The following GRM3 variants were observed in gnomAD, a reference collection of about 807,000 sequenced individuals.
The protein encoded by GRM3 is metabotropic glutamate receptor 3.
GRM3 carries 26 observed loss-of-function variants against 70.5 expected under a neutral mutation model. The observed-to-expected ratio is 0.37, with a 90% CI of 0.27 to 0.51. The LOEUF (loss-of-function observed/expected upper bound fraction) is 0.51, where lower values mean the gene tolerates loss of function less well. Ranked by LOEUF, GRM3 falls within the 20% of genes least tolerant of loss-of-function variation. The pLI is 0.93. For missense variants in GRM3, 859 were observed against 1,123.8 expected (o/e 0.76, Z 3.37); for synonymous variants, 443 against 434.9 (o/e 1.02, Z -0.23).
intron 3 of GRM3, among the ~76,000 whole-genome samples, chr7:86,836,734 A>G (rs1469239554): frequency 1.3e-5 from 2 of 152,152 alleles, no homozygotes; most frequent in African/African-American, 2.4e-5. Context: ...TCACTAACAC[A>G]TATGTTAAGT....
intron 1 of GRM3, 154 bp downstream of exon 1, chr7:86,645,026 A>G (rs1319953522): frequency 2.7e-5 from 10 of 366,964 alleles, no homozygotes; most frequent in Non-Finnish European, 2.1e-5. Flanking sequence ...GGTGGAGGGC[A>G]GAGGCGATGT....
Position 86,786,737 on chromosome 7 carries a change from T to A in GRM3, c.945T>A (p.His315Gln), listed in dbSNP as rs770903744. 1.2e-6 allele frequency: 2 copies of A among 1,613,490 alleles called. No individual in the cohort carries two copies. The highest frequency in any genetic ancestry group is 3.3e-5 in the Admixed American group (2 of 60,010). The change falls in exon 3 of 6, where the codon CAT becomes CAA. Residue 315 changes from histidine to glutamine, a missense_variant. By Grantham distance (24) the His-to-Gln change is conservative (BLOSUM62 0). Coordinates refer to ENST00000361669, the MANE Select transcript of GRM3 (RefSeq NM_000840.3). The surrounding 1 kb of genome is among the most constrained non-coding windows in gnomAD (Gnocchi z 6.0). ...AQESIIKGSE[H>Q]VAYGAITLEL... ...AGAGCATCATCAAGGGCAGCGAGCA[T>A]GTGGCCTACGGCGCCATCACCCTGG...
intron 1 of GRM3, among the ~76,000 whole-genome samples, chr7:86,713,656 C>A (rs538644751): frequency 5.6e-4 from 85 of 152,094 alleles, no homozygotes; most frequent in Non-Finnish European, 9.9e-4. Context: ...TTCTGTACTT[C>A]ATTTGGTACA....
At chr7:86,706,290 A>T (rs979364016) in intron 1 of GRM3, among the ~76,000 whole-genome samples, 1 of 152,040 alleles carries the variant, frequency 6.6e-6, no homozygotes, top group African/African-American at 2.4e-5. Flanking sequence ...ACAATTTGTT[A>T]TCTCCATAAA....
intron 3 of GRM3, among the ~76,000 whole-genome samples, chr7:86,823,733 A>G (rs1228214572): frequency 6.6e-6 from 1 of 151,852 alleles, no homozygotes; most frequent in Non-Finnish European, 1.5e-5. Flanking sequence ...ACAAATTTCA[A>G]TTCTTGTTAA....
At chr7:86,746,374 T>TATATATATATATATATATAA (rs71524681) in intron 1 of GRM3, among the ~76,000 whole-genome samples, 5 of 132,982 alleles carry the variant, frequency 3.8e-5, no homozygotes, top group East Asian at 2.1e-4. Flanking sequence ...TATATATATA[T>TATATATATATATATATATAA]AATCACTTCA....
intron 3 of GRM3, among the ~76,000 whole-genome samples, chr7:86,807,704 G>A (rs1440456110): frequency 6.6e-6 from 1 of 152,080 alleles, no homozygotes; most frequent in Admixed American, 6.6e-5. Flanking sequence ...GGGACAATTT[G>A]ACTTCCTCTT....
chr7:86,760,164 C>A (rs1020565243), intron 1 of GRM3, among the ~76,000 whole-genome samples: 1 of 151,822 alleles, frequency 6.6e-6, no homozygotes, highest in Admixed American at 6.6e-5. Flanking sequence ...CCAGGTAGAC[C>A]CTTTCCTTTC....
intron 1 of GRM3, among the ~76,000 whole-genome samples, chr7:86,672,276 T>C (rs1794190524): frequency 6.6e-6 from 1 of 152,174 alleles, no homozygotes. Flanking sequence ...CATCTTATCT[T>C]TTCCTACTTT....
intron 2 of GRM3, chr7:86,784,237 C>A (rs1213791252): frequency 6.7e-6 from 1 of 150,144 alleles, no homozygotes; most frequent in East Asian, 1.9e-4. Context: ...TGAGCAGTTT[C>A]TCATTACTCC....
intron 1 of GRM3, among the ~76,000 whole-genome samples, chr7:86,696,685 T>G (rs1794824919): frequency 6.6e-6 from 1 of 150,660 alleles, no homozygotes; most frequent in Non-Finnish European, 1.5e-5. Flanking sequence ...TTGGTTCTTC[T>G]GTAGTAATAG....
chr7:86,690,145 G>A (rs540417954), intron 1 of GRM3, among the ~76,000 whole-genome samples: 4 of 152,264 alleles, frequency 2.6e-5, no homozygotes, highest in Admixed American at 6.5e-5. Flanking sequence ...CCTTCACTTC[G>A]GAGGTGATAC....
intron 1 of GRM3, among the ~76,000 whole-genome samples, chr7:86,646,011 G>GTTTA (rs1793459914): frequency 1.2e-5 from 1 of 84,846 alleles, no homozygotes; most frequent in African/African-American, 4.2e-5. Flanking sequence ...GGGGGTGGGG[G>GTTTA]GGGGTGGGAG....
chr7:86,660,727 A>G (rs898151188), intron 1 of GRM3, among the ~76,000 whole-genome samples: 10 of 152,010 alleles, frequency 6.6e-5, no homozygotes, highest in Non-Finnish European at 1.5e-5. Flanking sequence ...AAGCATTTGA[A>G]GATTAATCAT....
intron 2 of GRM3, among the ~76,000 whole-genome samples, chr7:86,785,063 A>C (rs1448633957): frequency 1.3e-5 from 2 of 152,236 alleles, no homozygotes; most frequent in African/African-American, 4.8e-5. Context: ...TGCTTGCTAC[A>C]TGTCAAATAT....
intron 1 of GRM3, among the ~76,000 whole-genome samples, chr7:86,754,389 G>T (rs1796297765): frequency 6.6e-6 from 1 of 152,082 alleles, no homozygotes. Context: ...AAAACTGGTG[G>T]TTTAATATAT....
intron 1 of GRM3, among the ~76,000 whole-genome samples, chr7:86,743,180 A>C (rs1347988102): frequency 6.6e-6 from 1 of 152,194 alleles, no homozygotes; most frequent in South Asian, 2.1e-4. Flanking sequence ...CAAATAATAT[A>C]GTAATCTCTC....
Position 86,672,172 on chromosome 7 carries a change from T to C in GRM3, c.-141+27300T>C, listed in dbSNP as rs180786335. The stretch of plus-strand genomic sequence containing the variant: ...CCAGTCTAGTGTAGTGGGAAATCAG[T>C]TAGGCAAATGTAAAGTTTTTTTGTT... On this transcript the variant is annotated intron_variant, in intron 1 of 5. Coordinates refer to ENST00000361669, the MANE Select transcript of GRM3 (RefSeq NM_000840.3). 3.0e-3 allele frequency among the ~76,000 whole-genome samples: 452 copies of C among 152,312 alleles called. 4 individuals are homozygous for C. Among genetic ancestry groups the C allele is most frequent in the Admixed American group, 6.0e-3 (91 of 15,292 alleles).
chr7:86,675,573 G>T (rs766005316), intron 1 of GRM3, among the ~76,000 whole-genome samples: 1 of 151,946 alleles, frequency 6.6e-6, no homozygotes. Flanking sequence ...ACATGTTCTT[G>T]GAGAGCTTGC....
Sources: gnomAD v4.1 joint callset for allele counts (sites outside exome capture counted in the v4.1 genomes callset) on GRCh38, gnomAD v4.1.1 for gene constraint, Gnocchi (gnomAD v3.1) non-coding constraint, MANE v1.5 for transcripts, NCBI Gene and HGNC (gene_info 2026-07-23, HGNC 2026-07-21) for gene names.